Variants in ELP4 observed in about 807,000 individuals in gnomAD.
ELP4 encodes the protein elongator complex protein 4.
ELP4 carries 51 observed loss-of-function variants against 48.9 expected under a neutral mutation model. The observed-to-expected ratio is 1.04, with a 90% CI of 0.83 to 1.32. ELP4 has a LOEUF of 1.32. Ranked by LOEUF, ELP4 falls within the 40% of genes most tolerant of loss-of-function variation. ELP4 has a pLI of 0.00. For synonymous variants in ELP4, 210 were observed against 189.2 expected, an observed-to-expected ratio of 1.11 and a Z score of -0.90; for missense variants, 519 against 514.6, an observed-to-expected ratio of 1.01 and a Z score of -0.08.
chr11:31,712,199 A>G (rs1670872417), intron 9 of ELP4, among the ~76,000 whole-genome samples: 1 of 152,016 alleles, frequency 6.6e-6, no homozygotes, highest in African/African-American at 2.4e-5. Context: ...CACCAACAGA[A>G]TTGTGTACGT....
At chr11:31,746,713 G>A (rs1315886472) in intron 9 of ELP4, among the ~76,000 whole-genome samples, 1 of 151,990 alleles carries the variant, frequency 6.6e-6, no homozygotes, top group African/African-American at 2.4e-5. Flanking sequence ...ACAGGAAGGG[G>A]AACATCACAC....
At chr11:31,774,782 C>A (rs1484376488) in intron 9 of ELP4, among the ~76,000 whole-genome samples, 1 of 152,226 alleles carries the variant, frequency 6.6e-6, no homozygotes, top group Non-Finnish European at 1.5e-5. Flanking sequence ...CAGTGCCTCA[C>A]TTGTCAGGTA....
chr11:31,777,149 G>T (rs1475857991), intron 9 of ELP4, among the ~76,000 whole-genome samples: 1 of 151,702 alleles, frequency 6.6e-6, no homozygotes, highest in Non-Finnish European at 1.5e-5. Flanking sequence ...AAAATATAAT[G>T]ATTATATAAT....
chr11:31,648,030 A>G (rs1019645656), intron 8 of ELP4, 181 bp downstream of exon 8: 9 of 456,718 alleles, frequency 2.0e-5, no homozygotes, highest in African/African-American at 1.0e-4. Flanking sequence ...CATTAAGACT[A>G]TAGACTATAA....
Position 31,784,144 on chromosome 11 carries a change from G to A in ELP4, c.*620G>A, listed in dbSNP as rs1948437884. ...AAAGAAGTGGATGGTCTTTAGTTTA[G>A]TAATCCTAAACAATTGAAGTCAGTA... On this transcript the variant is annotated 3_prime_UTR_variant, in exon 10 of 10. Coordinates refer to ENST00000640961, the MANE Select transcript of ELP4 (RefSeq NM_019040.5). 1 of 152,096 alleles carries A rather than the reference G, an allele frequency of 6.6e-6. No homozygotes were observed. The highest frequency in any genetic ancestry group is 2.4e-5 in the African/African-American group (1 of 41,410). The allele number at this position is 152,096 out of a possible 1,614,324, so 9.4% of individuals were successfully genotyped here. A position where few individuals can be genotyped will look rare whatever the true frequency, so the allele number is the denominator to read the frequency against.
chr11:31,539,627 T>C, intron 2 of ELP4, 35 bp from the exon 3 acceptor site: 2 of 1,571,424 alleles, frequency 1.3e-6, no homozygotes, highest in Non-Finnish European at 1.7e-6. Flanking sequence ...CTTTTCTTGC[T>C]ATATGTTTCT....
At chr11:31,742,060 T>TA (rs950628239) in intron 9 of ELP4, among the ~76,000 whole-genome samples, 1 of 152,066 alleles carries the variant, frequency 6.6e-6, no homozygotes, top group African/African-American at 2.4e-5. Context: ...AATCACCTGA[T>TA]AGAGCTGAAA....
At chr11:31,660,218 C>G (rs576497197) in intron 9 of ELP4, among the ~76,000 whole-genome samples, 1 of 152,144 alleles carries the variant, frequency 6.6e-6, no homozygotes, top group East Asian at 1.9e-4. Context: ...TATTTTGAAA[C>G]GGGCTTTTTT....
At chr11:31,766,064 C>T (rs1353422674) in intron 9 of ELP4, among the ~76,000 whole-genome samples, 2 of 152,046 alleles carry the variant, frequency 1.3e-5, no homozygotes, top group East Asian at 3.9e-4. Flanking sequence ...TGTGGTGCTT[C>T]ATCTATTTTT....
intron 9 of ELP4, among the ~76,000 whole-genome samples, chr11:31,742,215 G>T (rs889772065): frequency 6.6e-6 from 1 of 152,044 alleles, no homozygotes; most frequent in Non-Finnish European, 1.5e-5. Flanking sequence ...GAAAAGAAAC[G>T]AACAAAGCCT....
intron 9 of ELP4, among the ~76,000 whole-genome samples, chr11:31,770,425 T>G (rs1948114902): frequency 1.3e-5 from 2 of 152,052 alleles, no homozygotes; most frequent in African/African-American, 4.8e-5. Flanking sequence ...AGGGGGCTGG[T>G]CAGGGAGAAG....
chr11:31,554,910 G>A (rs1282766993), intron 3 of ELP4, among the ~76,000 whole-genome samples: 1 of 152,134 alleles, frequency 6.6e-6, no homozygotes, highest in African/African-American at 2.4e-5. Flanking sequence ...TTGTTTTTAT[G>A]TAGCATTTCA....
chr11:31,758,017 T>C (rs182200197), intron 9 of ELP4, among the ~76,000 whole-genome samples: 26 of 152,328 alleles, frequency 1.7e-4, no homozygotes, highest in African/African-American at 6.0e-4. Flanking sequence ...TCTAGAGTTA[T>C]CTATTTTTCC....
intron 9 of ELP4, among the ~76,000 whole-genome samples, chr11:31,717,310 A>G (rs1946862776): frequency 1.3e-5 from 2 of 152,196 alleles, no homozygotes. Context: ...ATTAGCAGTA[A>G]CTGTGACTGT....
chr11:31,757,233 T>A (rs1947851701), intron 9 of ELP4, among the ~76,000 whole-genome samples: 1 of 152,236 alleles, frequency 6.6e-6, no homozygotes, highest in Non-Finnish European at 1.5e-5. Flanking sequence ...TGGAAGGGGT[T>A]AAATAAATTA....
At chr11:31,700,243 G>A (rs991601021) in intron 9 of ELP4, among the ~76,000 whole-genome samples, 1 of 151,868 alleles carries the variant, frequency 6.6e-6, no homozygotes, top group Admixed American at 6.6e-5. Context: ...AAAGAAAAAT[G>A]GAGCAAATGA....
intron 7 of ELP4, among the ~76,000 whole-genome samples, chr11:31,637,656 A>AGGAT (rs1216125107): frequency 6.6e-6 from 1 of 151,988 alleles, no homozygotes; most frequent in African/African-American, 2.4e-5. Context: ...CAGTTACAAT[A>AGGAT]GGATACTGTT....
At chr11:31,704,950 G>C (rs913358836) in intron 9 of ELP4, among the ~76,000 whole-genome samples, 1 of 151,488 alleles carries the variant, frequency 6.6e-6, no homozygotes, top group Non-Finnish European at 1.5e-5. Context: ...GGCAGAGGTT[G>C]TGGTGAGCTG....
At chr11:31,612,642 T>G (rs1303018979) in intron 5 of ELP4, among the ~76,000 whole-genome samples, 1 of 152,208 alleles carries the variant, frequency 6.6e-6, no homozygotes, top group African/African-American at 2.4e-5. Context: ...GAAGGGGCAG[T>G]ACACTGGTAG....
Sources: gnomAD v4.1 joint callset for allele counts (sites outside exome capture counted in the v4.1 genomes callset) on GRCh38, gnomAD v4.1.1 for gene constraint, MANE v1.5 for transcripts, NCBI Gene and HGNC (gene_info 2026-07-23, HGNC 2026-07-21) for gene names.